PDZRN4: variants seen among roughly 807,000 people sequenced by gnomAD.
The protein encoded by PDZRN4 is PDZ domain-containing RING finger protein 4.
In PDZRN4, 70 loss-of-function variants were observed where a neutral mutation model predicts 99.0. The observed-to-expected ratio is 0.71, with a 90% CI of 0.58 to 0.86. The LOEUF (loss-of-function observed/expected upper bound fraction) is 0.86. Among genes scored for constraint, PDZRN4 ranks in the 40% least tolerant of loss-of-function variants. The pLI is 0.00. For synonymous variants in PDZRN4, 551 were observed against 501.6 expected (o/e 1.10, Z -1.32); for missense variants, 1,474 against 1,331.2 (o/e 1.11, Z -1.67).
chr12:41,302,132 G>A (rs1951540572), intron 3 of PDZRN4, among the ~76,000 whole-genome samples: 1 of 152,016 alleles, frequency 6.6e-6, no homozygotes, highest in African/African-American at 2.4e-5. Context: ...ACACATGTGT[G>A]TATATAGATG....
At chr12:41,470,035 T>C (rs545764762) in intron 3 of PDZRN4, among the ~76,000 whole-genome samples, 1 of 152,242 alleles carries the variant, frequency 6.6e-6, no homozygotes, top group Non-Finnish European at 1.5e-5. Context: ...AGTCTCCCTG[T>C]GGAAAGTCCT....
chr12:41,307,506 C>T (rs1951579125), intron 3 of PDZRN4, among the ~76,000 whole-genome samples: 1 of 152,088 alleles, frequency 6.6e-6, no homozygotes. Flanking sequence ...CTGTGAATAC[C>T]ATCACACTGG....
chr12:41,411,345 A>G (rs572174072), intron 3 of PDZRN4, among the ~76,000 whole-genome samples: 3 of 152,192 alleles, frequency 2.0e-5, no homozygotes, highest in Non-Finnish European at 4.4e-5. Context: ...TAAGAAAGGA[A>G]AAGTGAAAAG....
At chr12:41,237,519 ATT>A (rs78207335) in intron 3 of PDZRN4, among the ~76,000 whole-genome samples, 2,591 of 152,092 alleles carry the variant, frequency 0.017, 39 homozygotes, top group Non-Finnish European at 0.024. Flanking sequence ...ATACTTTAAC[ATT>A]TTTGTCATGA....
At chr12:41,559,840 TAGTG>T (rs1467726245) in intron 7 of PDZRN4, among the ~76,000 whole-genome samples, 2 of 152,148 alleles carry the variant, frequency 1.3e-5, no homozygotes, top group Admixed American at 6.5e-5. Context: ...GTTCTCGTGA[TAGTG>T]AGTGAGTTCT....
At chr12:41,560,202 A>G (rs1939246276) in intron 7 of PDZRN4, among the ~76,000 whole-genome samples, 1 of 152,166 alleles carries the variant, frequency 6.6e-6, no homozygotes, top group African/African-American at 2.4e-5. Flanking sequence ...TTTGAAATAA[A>G]TCTTTTCTTA....
At chr12:41,254,142 A>AAT (rs1020549481) in intron 3 of PDZRN4, among the ~76,000 whole-genome samples, 10 of 151,984 alleles carry the variant, frequency 6.6e-5, no homozygotes, top group South Asian at 2.1e-4. Flanking sequence ...TACCTCAGTA[A>AAT]ATATATATAT....
At position 41,573,035 on chromosome 12, in the gene PDZRN4, A is replaced by T; in HGVS notation, c.2256A>T (p.Val752=). 6.2e-7 allele frequency: 1 copy of T among 1,614,168 alleles called. No individual in the cohort carries two copies. Among genetic ancestry groups the T allele is most frequent in the Non-Finnish European group, 8.5e-7 (1 of 1,180,014 alleles). Residue 752 remains valine, a synonymous_variant, in exon 10 of 10, where the codon GTA becomes GTT. Coordinates refer to ENST00000402685, the MANE Select transcript of PDZRN4 (RefSeq NM_001164595.2). ...AESCRSTPLT[V]DRSPDSSLPR... ...GCTGCAGAAGTACTCCGCTCACTGT[A>T]GACCGTTCCCCTGACAGTTCCCTTC...
intron 3 of PDZRN4, among the ~76,000 whole-genome samples, chr12:41,492,708 T>G (rs1170010025): frequency 6.6e-6 from 1 of 152,176 alleles, no homozygotes; most frequent in Non-Finnish European, 1.5e-5. Flanking sequence ...AAATCAGACT[T>G]CATTTTGCAT....
chr12:41,355,055 A>AGT (rs1951916818), intron 3 of PDZRN4, among the ~76,000 whole-genome samples: 2 of 152,132 alleles, frequency 1.3e-5, no homozygotes, highest in Non-Finnish European at 2.9e-5. Flanking sequence ...CCACCGACTA[A>AGT]GTGTTTGCTT....
At chr12:41,262,351 T>G (rs1454169571) in intron 3 of PDZRN4, among the ~76,000 whole-genome samples, 1 of 152,174 alleles carries the variant, frequency 6.6e-6, no homozygotes, top group East Asian at 1.9e-4. Context: ...TTATCATACA[T>G]TTGGTTCTGT....
At chr12:41,383,071 A>G (rs375888753) in intron 3 of PDZRN4, among the ~76,000 whole-genome samples, 1 of 152,318 alleles carries the variant, frequency 6.6e-6, no homozygotes. Context: ...TGATTTTGTA[A>G]TGCATTGAGC....
intron 3 of PDZRN4, among the ~76,000 whole-genome samples, chr12:41,343,315 A>G (rs1475653430): frequency 6.6e-6 from 1 of 151,882 alleles, no homozygotes; most frequent in Non-Finnish European, 1.5e-5. Context: ...TTTTTAATTG[A>G]GCTTACTTGA....
At chr12:41,351,270 AAGG>A (rs1386543907) in intron 3 of PDZRN4, among the ~76,000 whole-genome samples, 1 of 152,030 alleles carries the variant, frequency 6.6e-6, no homozygotes, top group African/African-American at 2.4e-5. Context: ...AAGCAAAACC[AAGG>A]AGGAGTACTC....
intron 3 of PDZRN4, among the ~76,000 whole-genome samples, chr12:41,244,440 A>G (rs886237927): frequency 7.9e-5 from 12 of 151,926 alleles, no homozygotes; most frequent in Admixed American, 7.9e-4. Flanking sequence ...ATGAGTTCCC[A>G]TTTTCCTCAG....
chr12:41,561,020 G>T (rs1193494811), intron 7 of PDZRN4, among the ~76,000 whole-genome samples: 2 of 152,146 alleles, frequency 1.3e-5, no homozygotes, highest in African/African-American at 4.8e-5. Flanking sequence ...TGCAAGAAAT[G>T]ATCTGTTGCC....
At chr12:41,424,938 G>T (rs896944658) in intron 3 of PDZRN4, among the ~76,000 whole-genome samples, 1 of 152,244 alleles carries the variant, frequency 6.6e-6, no homozygotes, top group South Asian at 2.1e-4. Flanking sequence ...ACCCCACTTA[G>T]ATACAAAGAC....
intron 3 of PDZRN4, among the ~76,000 whole-genome samples, chr12:41,235,962 G>C (rs894605260): frequency 6.6e-6 from 1 of 152,040 alleles, no homozygotes. Context: ...ATATTTAACT[G>C]TGTAAGTTAG....
At chr12:41,487,192 G>C (rs935295923) in intron 3 of PDZRN4, among the ~76,000 whole-genome samples, 1 of 151,540 alleles carries the variant, frequency 6.6e-6, no homozygotes, top group South Asian at 2.1e-4. Context: ...TGTCTGACTT[G>C]TTCATTGACA....
Sources: gnomAD v4.1 joint callset for allele counts (sites outside exome capture counted in the v4.1 genomes callset) on GRCh38, gnomAD v4.1.1 for gene constraint, MANE v1.5 for transcripts, NCBI Gene and HGNC (gene_info 2026-07-23, HGNC 2026-07-21) for gene names.